Variants in CFAP20DC observed in about 807,000 individuals in gnomAD.
The protein encoded by CFAP20DC is protein CFAP20DC.
In CFAP20DC, 84 loss-of-function variants were observed where a neutral mutation model predicts 101.7. That is an observed-to-expected ratio of 0.83 (90% CI 0.69 to 0.99). CFAP20DC has a LOEUF of 0.99. CFAP20DC is among the 50% of genes least tolerant of loss of function. The pLI, the probability that CFAP20DC is intolerant of heterozygous loss-of-function variation, is 0.00. For missense variants in CFAP20DC, 1,007 were observed against 970.3 expected, an observed-to-expected ratio of 1.04 and a Z score of -0.50; for synonymous variants, 359 against 351.2, an observed-to-expected ratio of 1.02 and a Z score of -0.25.
Position 58,788,137 on chromosome 3 carries a change from T to C in CFAP20DC, c.2237+18258A>G, listed in dbSNP as rs1321153409. ...TGCACATTTGTCCCAGAACTTAAAG[T>C]ACAATTTAAAAAAAAAAAAGAGGAA... On this transcript the variant is annotated intron_variant, in intron 15 of 16. Coordinates refer to ENST00000482387, the MANE Select transcript of CFAP20DC (RefSeq NM_001394063.1). This position sits in a 1 kb window ranked among gnomAD's most constrained non-coding sequence, Gnocchi z 4.2. Among the ~76,000 whole-genome samples the C allele has an allele frequency of 1.4e-5, 2 of 146,726 alleles. No individual in the cohort carries two copies. Among genetic ancestry groups the C allele is most frequent in the Non-Finnish European group, 3.0e-5 (2 of 66,588 alleles).
chr3:58,848,966 G>C, intron 13 of CFAP20DC, 66 bp downstream of exon 13: 1 of 1,463,074 alleles, frequency 6.8e-7, no homozygotes, highest in Non-Finnish European at 9.0e-7. Flanking sequence ...AAAAACATGG[G>C]TGGAACAGAA....
chr3:58,761,061 G>A (rs1446651431), intron 15 of CFAP20DC, among the ~76,000 whole-genome samples: 1 of 152,206 alleles, frequency 6.6e-6, no homozygotes, highest in Non-Finnish European at 1.5e-5. Context: ...AAATGAGTTA[G>A]GGAGGATTCC....
chr3:58,941,327 CAA>C (rs752324535), intron 4 of CFAP20DC, among the ~76,000 whole-genome samples: 243 of 19,456 alleles, frequency 0.012, no homozygotes, highest in African/African-American at 0.039. Flanking sequence ...GACTCCGTCT[CAA>C]AAAAAAAAAA....
rs952935883 is a variant in CFAP20DC, at chr3:58,861,367, A to T, written c.1593+2191T>A. On this transcript the variant is annotated intron_variant, in intron 12 of 16. Transcript: ENST00000482387. The surrounding 1 kb of genome is among the most constrained non-coding windows in gnomAD (Gnocchi z 4.0). ...AATTATACAAAGATAAGGATGTAAC[A>T]TTCTAAAATAATGCAATTAATAGTA... 2.6e-6 allele frequency: 2 copies of T among 767,076 alleles called. No individual in the cohort carries two copies. The highest frequency in any genetic ancestry group is 1.9e-5 in the African/African-American group (1 of 52,934). 47.5% of individuals were successfully genotyped at this position (767,076 alleles called of 1,614,324 possible).
intron 5 of CFAP20DC, among the ~76,000 whole-genome samples, chr3:58,918,969 C>T (rs1371321211): frequency 6.6e-6 from 1 of 152,148 alleles, no homozygotes; most frequent in African/African-American, 2.4e-5. Context: ...GGCTTTCATA[C>T]TATGAAATGC....
chr3:58,719,479 T>C (rs908865696), intron 3 of CFAP20DC, among the ~76,000 whole-genome samples: 1 of 152,360 alleles, frequency 6.6e-6, no homozygotes, highest in African/African-American at 2.4e-5. Context: ...ATGCATAGAC[T>C]TGTGTTAGCA....
intron 15 of CFAP20DC, among the ~76,000 whole-genome samples, chr3:58,786,254 G>A (rs2072326786): frequency 1.3e-5 from 2 of 152,048 alleles, no homozygotes; most frequent in South Asian, 4.2e-4. Context: ...AAAATTACTT[G>A]AATGCCTGCT....
intron 4 of CFAP20DC, among the ~76,000 whole-genome samples, chr3:58,952,643 T>C (rs1054112787): frequency 8.5e-5 from 13 of 152,180 alleles, no homozygotes; most frequent in African/African-American, 2.9e-4. Flanking sequence ...TGGGTGGGGT[T>C]GCAGGCTATG....
chr3:58,940,399 T>C (rs927654260), intron 4 of CFAP20DC, among the ~76,000 whole-genome samples: 3 of 152,272 alleles, frequency 2.0e-5, no homozygotes, highest in African/African-American at 7.2e-5. Flanking sequence ...TGTTTCCTTC[T>C]ACATCTTTAT....
intron 12 of CFAP20DC, 141 bp from the exon 13 acceptor site, chr3:58,849,550 A>G: frequency 1.5e-6 from 1 of 648,950 alleles, no homozygotes; most frequent in South Asian, 2.4e-5. Context: ...TAATCTGCAA[A>G]GAAAAACATG....
intron 5 of CFAP20DC, among the ~76,000 whole-genome samples, chr3:58,918,737 A>T (rs1042474744): frequency 6.6e-6 from 1 of 152,124 alleles, no homozygotes; most frequent in African/African-American, 2.4e-5. Context: ...CTCTGGAGCC[A>T]AACTGTCTGG....
At position 58,842,293 on chromosome 3, in the gene CFAP20DC, G is replaced by A. The variant is rs543740801; in HGVS notation, c.1971+6739C>T. Among the ~76,000 whole-genome samples, 686 of 152,324 alleles carry A rather than the reference G, an allele frequency of 4.5e-3. 5 individuals are homozygous for A. Among genetic ancestry groups the A allele is most frequent in the African/African-American group, 0.016 (648 of 41,578 alleles). ...TAGGGAGTGCCAGACAGTGGGCGCA[G>A]GCCAGTGGGTGCGCGCACCGTGCGC... On this transcript the variant is annotated intron_variant, in intron 13 of 16. Transcript: ENST00000482387.
At chr3:59,035,403 A>G (rs1177202424) in intron 4 of CFAP20DC, among the ~76,000 whole-genome samples, 1 of 152,150 alleles carries the variant, frequency 6.6e-6, no homozygotes, top group Non-Finnish European at 1.5e-5. Flanking sequence ...TGACTTCAGG[A>G]GCTAGTTTTT....
intron 13 of CFAP20DC, among the ~76,000 whole-genome samples, chr3:58,843,518 A>G (rs2077339701): frequency 6.6e-6 from 1 of 151,846 alleles, no homozygotes; most frequent in Non-Finnish European, 1.5e-5. Flanking sequence ...CTATGTGAAA[A>G]GACCAAATCT....
chr3:58,825,538 AACACAC>A (rs4020376), intron 14 of CFAP20DC, among the ~76,000 whole-genome samples: 2 of 149,712 alleles, frequency 1.3e-5, no homozygotes, highest in African/African-American at 4.9e-5. Context: ...AAAAAAAGAA[AACACAC>A]ACACACACAC....
At chr3:58,876,958 C>G (rs75469988) in intron 7 of CFAP20DC, among the ~76,000 whole-genome samples, 1,970 of 152,268 alleles carry the variant, frequency 0.013, 48 homozygotes, top group African/African-American at 0.046. Context: ...AGAAAAGGTA[C>G]TTAACCTTTC....
chr3:58,923,373 T>C (rs916479674), intron 5 of CFAP20DC, among the ~76,000 whole-genome samples: 6 of 152,198 alleles, frequency 3.9e-5, no homozygotes, highest in African/African-American at 1.4e-4. Context: ...TTTTTCAGTT[T>C]TGACAACTTC....
intron 3 of CFAP20DC, among the ~76,000 whole-genome samples, chr3:58,718,851 G>C (rs184222185): frequency 6.6e-6 from 1 of 152,314 alleles, no homozygotes; most frequent in East Asian, 1.9e-4. Context: ...AAGCCAGAAG[G>C]CTAATTAATC....
intron 4 of CFAP20DC, among the ~76,000 whole-genome samples, chr3:58,990,859 A>C (rs998665020): frequency 9.9e-5 from 15 of 152,072 alleles, no homozygotes; most frequent in African/African-American, 3.6e-4. Context: ...CATTTCAAAT[A>C]GGAATATTCA....
Sources: allele counts gnomAD v4.1 joint callset (sites outside exome capture counted in the v4.1 genomes callset), GRCh38; gene constraint gnomAD v4.1.1; non-coding constraint Gnocchi (gnomAD v3.1); transcripts MANE v1.5; gene names NCBI Gene and HGNC (gene_info 2026-07-23, HGNC 2026-07-21).